The following SH2D4B variants were observed in gnomAD, a reference collection of about 807,000 sequenced individuals.
The protein encoded by SH2D4B is SH2 domain-containing protein 4B.
A neutral mutation model predicts 61.5 loss-of-function variants in SH2D4B; 45 were observed. That is an observed-to-expected ratio of 0.73 (90% CI 0.58 to 0.94). SH2D4B has a LOEUF of 0.94. Among genes scored for constraint, SH2D4B ranks in the 40% least tolerant of loss-of-function variants. SH2D4B has a pLI of 0.00. For missense variants in SH2D4B, 572 were observed against 574.2 expected (o/e 1.00, Z 0.04); for synonymous variants, 224 against 220.4 (o/e 1.02, Z -0.14).
Position 80,542,220 on chromosome 10 carries a change from A to G in SH2D4B, c.184+3705A>G, listed in dbSNP as rs1841589436. 1.3e-5 allele frequency among the ~76,000 whole-genome samples: 2 copies of G among 151,860 alleles called. 1 individual carries two copies. The highest frequency in any genetic ancestry group is 4.8e-5 in the African/African-American group (2 of 41,332). Reference sequence around the variant, plus strand: ...CCTCATTCTCCTTGGCCACCACAGGAATGCACATCCTGTGTTAGGAATTAT... The same window carrying G: ...CCTCATTCTCCTTGGCCACCACAGGGATGCACATCCTGTGTTAGGAATTAT... On this transcript the variant is annotated intron_variant, in intron 1 of 7. Coordinates refer to ENST00000646907, the MANE Select transcript of SH2D4B (RefSeq NM_001388272.1).
Position 80,570,203 on chromosome 10 carries a change from C to G in SH2D4B, c.234C>G (p.Val78=), listed in dbSNP as rs1842022963. The change falls in exon 2 of 8, where the codon GTC becomes GTG. Residue 78 remains valine (V), a synonymous_variant. Transcript: ENST00000646907. The part of the protein sequence containing the change: ...IQWLLGADGE[V]WVWIMGEGPG... ...GGCTCCTAGGGGCAGATGGCGAGGT[C>G]TGGGTCTGGATCATGGGAGAAGGCC... 1 of 1,614,154 alleles carries G rather than the reference C, an allele frequency of 6.2e-7. No individual in the cohort carries two copies. The highest frequency in any genetic ancestry group is 8.5e-7 in the Non-Finnish European group (1 of 1,180,030).
chr10:80,643,503 C>T (rs1840342155), intron 7 of SH2D4B, among the ~76,000 whole-genome samples: 1 of 152,074 alleles, frequency 6.6e-6, no homozygotes, highest in African/African-American at 2.4e-5. Context: ...TGGATACAGT[C>T]TTGTTTCCCA....
Position 80,609,352 on chromosome 10 carries a change from C to T in SH2D4B, c.861-72C>T, listed in dbSNP as rs1842563840. On this transcript the variant is annotated intron_variant, in intron 5 of 7. Transcript: ENST00000646907. The stretch of plus-strand genomic sequence containing the variant: ...TCCTCTCCCTTCCTCTTTCCTTCCC[C>T]TCTGCCTTCCTCTCCCTCCGCTCTT... 7.1e-6 allele frequency: 11 copies of T among 1,545,854 alleles called. No homozygotes were observed. In the South Asian group the frequency reaches 1.3e-4, roughly 19 times the overall value.
intron 6 of SH2D4B, among the ~76,000 whole-genome samples, chr10:80,613,638 G>T (rs1335814175): frequency 6.6e-6 from 1 of 152,252 alleles, no homozygotes; most frequent in Non-Finnish European, 1.5e-5. Context: ...GCTGTCCTCT[G>T]TAGGGTGTTA....
chr10:80,615,574 C>T (rs1337035265), intron 6 of SH2D4B, among the ~76,000 whole-genome samples: 2 of 151,878 alleles, frequency 1.3e-5, no homozygotes, highest in African/African-American at 4.9e-5. Context: ...GGTTTCCTGA[C>T]CCAGCTTGAG....
At chr10:80,586,377 G>C (rs912509329) in intron 3 of SH2D4B, among the ~76,000 whole-genome samples, 2 of 151,486 alleles carry the variant, frequency 1.3e-5, no homozygotes, top group African/African-American at 4.9e-5. Flanking sequence ...TGTCTAGCTA[G>C]GGGATTGTAA....
intron 7 of SH2D4B, among the ~76,000 whole-genome samples, chr10:80,635,125 G>A (rs1277385006): frequency 6.6e-6 from 1 of 152,174 alleles, no homozygotes; most frequent in African/African-American, 2.4e-5. Flanking sequence ...ACAGAGCAGC[G>A]CTTTGTGACT....
At chr10:80,638,899 TC>T (rs748959368) in intron 7 of SH2D4B, among the ~76,000 whole-genome samples, 13 of 152,390 alleles carry the variant, frequency 8.5e-5, no homozygotes, top group Admixed American at 2.6e-4. Flanking sequence ...TTTAGATCTT[TC>T]CTGCTTTCTC....
At chr10:80,569,445 G>A (rs754949944) in intron 1 of SH2D4B, among the ~76,000 whole-genome samples, 2 of 151,244 alleles carry the variant, frequency 1.3e-5, no homozygotes, top group Admixed American at 1.3e-4. Context: ...ACTTTATTTC[G>A]GAGACCCAGC....
intron 1 of SH2D4B, among the ~76,000 whole-genome samples, chr10:80,559,432 A>T (rs1841876848): frequency 6.6e-6 from 1 of 152,176 alleles, no homozygotes; most frequent in Non-Finnish European, 1.5e-5. Context: ...ATTCAGATTC[A>T]GTTGAGACCT....
At chr10:80,553,009 G>A (rs945021498) in intron 1 of SH2D4B, among the ~76,000 whole-genome samples, 17 of 151,944 alleles carry the variant, frequency 1.1e-4, no homozygotes, top group African/African-American at 4.1e-4. Context: ...TCTGCCTCCC[G>A]GATTCAAGTG....
intron 6 of SH2D4B, among the ~76,000 whole-genome samples, chr10:80,618,490 A>G (rs925046869): frequency 2.6e-5 from 4 of 152,190 alleles, no homozygotes; most frequent in African/African-American, 7.2e-5. Context: ...GGCGTTATAA[A>G]AAAAAGAAGG....
chr10:80,544,543 C>T (rs941968118), intron 1 of SH2D4B, among the ~76,000 whole-genome samples: 3 of 152,270 alleles, frequency 2.0e-5, no homozygotes, highest in African/African-American at 4.8e-5. Flanking sequence ...CTGGGCCCGT[C>T]CAGTAGCCAC....
intron 1 of SH2D4B, among the ~76,000 whole-genome samples, chr10:80,543,239 G>A (rs1477399149): frequency 1.3e-5 from 2 of 152,118 alleles, no homozygotes; most frequent in Non-Finnish European, 1.5e-5. Flanking sequence ...GCCGGAGCCG[G>A]CTCCCTCAGC....
chr10:80,623,107 G>A (rs11186313), intron 6 of SH2D4B, among the ~76,000 whole-genome samples: 4,553 of 152,254 alleles, frequency 0.03, 238 homozygotes, highest in African/African-American at 0.099. Context: ...TAGAGACGGC[G>A]TTTTGCCATG....
In SH2D4B at chr10:80,603,721, C is replaced by T. The variant is rs1346607466; in HGVS notation, c.786C>T (p.Ser262=). 1 of 1,613,506 alleles carries T rather than the reference C, an allele frequency of 6.2e-7. No individual in the cohort carries two copies. Among genetic ancestry groups the T allele is most frequent in the African/African-American group, 1.3e-5 (1 of 74,940 alleles). ...LSSMFRELGQ[S]HEQEARLYHH... is the part of the protein sequence containing the mutation. ...CCATGTTCCGGGAGCTTGGCCAGAG[C>T]CATGAGCAGGAGGCAAGACTCTACC... is the stretch of plus-strand genomic sequence containing the variant. Residue 262 remains serine, a synonymous_variant, in exon 5 of 8, where the codon AGC becomes AGT. Transcript: ENST00000646907.
intron 6 of SH2D4B, 24 bp from the exon 7 acceptor site, chr10:80,634,261 T>A: frequency 6.7e-7 from 1 of 1,488,064 alleles, no homozygotes; most frequent in Admixed American, 2.5e-5. Context: ...CTGTGTTTTT[T>A]TGTTTTTTTC....
At chr10:80,543,346 C>T (rs568057943) in intron 1 of SH2D4B, among the ~76,000 whole-genome samples, 1 of 152,046 alleles carries the variant, frequency 6.6e-6, no homozygotes, top group Non-Finnish European at 1.5e-5. Flanking sequence ...TCGGAGCGGC[C>T]GGCCACCTGG....
chr10:80,636,084 G>T lies in SH2D4B; in HGVS notation c.1209+1579G>T, dbSNP rs149004788. 5.4e-3 allele frequency among the ~76,000 whole-genome samples: 825 copies of T among 152,290 alleles called. 4 individuals are homozygous for T. The highest frequency in any genetic ancestry group is 0.019 in the African/African-American group (779 of 41,552). On this transcript the variant is annotated intron_variant, in intron 7 of 7. Coordinates refer to ENST00000646907, the MANE Select transcript of SH2D4B (RefSeq NM_001388272.1). ...TGTCCTTGTGATAGTTTGCGAGAAT[G>T]ATGGTTTCCAGCTTCATCCATGTCC...
Sources: allele counts gnomAD v4.1 joint callset (sites outside exome capture counted in the v4.1 genomes callset), GRCh38; gene constraint gnomAD v4.1.1; transcripts MANE v1.5; gene names NCBI Gene and HGNC (gene_info 2026-07-23, HGNC 2026-07-21).